METTL15: variants seen among roughly 807,000 people sequenced by gnomAD.
METTL15 encodes the protein methyltransferase 15, mitochondrial 12S rRNA N4-cytidine.
In METTL15, 34 loss-of-function variants were observed where a neutral mutation model predicts 38.3. The observed-to-expected ratio is 0.89, with a 90% CI of 0.68 to 1.18. The LOEUF is 1.18. METTL15 is among the 50% of genes most tolerant of loss of function. The pLI, the probability that METTL15 is intolerant of heterozygous loss-of-function variation, is 0.00. For synonymous variants in METTL15, 162 were observed against 170.9 expected (o/e 0.95, Z 0.41); for missense variants, 438 against 498.4 (o/e 0.88, Z 1.15).
At chr11:28,164,615 A>C (rs1036506176) in intron 3 of METTL15, among the ~76,000 whole-genome samples, 1 of 152,114 alleles carries the variant, frequency 6.6e-6, no homozygotes, top group Non-Finnish European at 1.5e-5. Context: ...TATGTACAAT[A>C]CGGAATGATT....
At chr11:28,224,178 T>C (rs533065692) in intron 4 of METTL15, among the ~76,000 whole-genome samples, 63 of 152,160 alleles carry the variant, frequency 4.1e-4, no homozygotes, top group Non-Finnish European at 8.4e-4. Flanking sequence ...TTCATCTTTC[T>C]AATTGTCAGT....
intron 3 of METTL15, among the ~76,000 whole-genome samples, chr11:28,138,172 TCCTAGG>T (rs1437008335): frequency 6.6e-6 from 1 of 152,092 alleles, no homozygotes; most frequent in Non-Finnish European, 1.5e-5. Context: ...TCGCCAGGTG[TCCTAGG>T]CTATCAGAAG....
chr11:28,138,703 G>T (rs1849596624), intron 3 of METTL15, among the ~76,000 whole-genome samples: 1 of 152,124 alleles, frequency 6.6e-6, no homozygotes, highest in East Asian at 1.9e-4. Flanking sequence ...ATTGAACCCG[G>T]GCCACCATTT....
chr11:28,111,682 T>C (rs1392328191), intron 2 of METTL15, among the ~76,000 whole-genome samples: 4 of 152,184 alleles, frequency 2.6e-5, no homozygotes, highest in Admixed American at 2.0e-4. Flanking sequence ...CTTTGGCAAA[T>C]TACTTCTCTG....
In METTL15 at chr11:28,183,807, T is replaced by G. The variant is rs558351362; in HGVS notation, c.271-27255T>G. On this transcript the variant is annotated intron_variant, in intron 3 of 6. Transcript: ENST00000407364. Reference sequence around the variant, plus strand: ...TAGGGAGGATTCCCTCTTTTTCTTTTGTTTGGAATAGTTTCAGAAGGAATG... The same window carrying G: ...TAGGGAGGATTCCCTCTTTTTCTTTGGTTTGGAATAGTTTCAGAAGGAATG... 2.8e-4 allele frequency among the ~76,000 whole-genome samples: 42 copies of G among 152,220 alleles called. No homozygotes were observed. In the East Asian group the frequency reaches 7.5e-3, roughly 27 times the overall value.
chr11:28,204,286 C>T (rs561521649), intron 3 of METTL15, among the ~76,000 whole-genome samples: 1 of 151,832 alleles, frequency 6.6e-6, no homozygotes, highest in Non-Finnish European at 1.5e-5. Context: ...TTTGTTCTTT[C>T]TATCACTCTT....
intron 3 of METTL15, among the ~76,000 whole-genome samples, chr11:28,139,304 A>G (rs1849618073): frequency 6.6e-6 from 1 of 152,154 alleles, no homozygotes; most frequent in Non-Finnish European, 1.5e-5. Flanking sequence ...TGAGAGAAAT[A>G]CAGACTGAAG....
At chr11:28,417,678 C>G (rs2133418244) in intron 5 of METTL15, among the ~76,000 whole-genome samples, 1 of 152,176 alleles carries the variant, frequency 6.6e-6, no homozygotes, top group African/African-American at 2.4e-5. Context: ...ATTTATCTAC[C>G]TAATTTTGTT....
At chr11:28,228,674 C>G (rs969722239) in intron 4 of METTL15, among the ~76,000 whole-genome samples, 1 of 151,780 alleles carries the variant, frequency 6.6e-6, no homozygotes, top group African/African-American at 2.4e-5. Flanking sequence ...GTGTCTTGAT[C>G]AAAATTTTTT....
chr11:28,224,018 T>G (rs777452886), intron 4 of METTL15, among the ~76,000 whole-genome samples: 3 of 152,070 alleles, frequency 2.0e-5, no homozygotes, highest in African/African-American at 4.8e-5. Flanking sequence ...TTTACTATAA[T>G]TTTGTTTCTA....
chr11:28,372,607 T>C (rs1161605773), intron 5 of METTL15, among the ~76,000 whole-genome samples: 2 of 151,742 alleles, frequency 1.3e-5, no homozygotes, highest in Non-Finnish European at 2.9e-5. Flanking sequence ...ACCACATTAT[T>C]CTTTTTTTTT....
intron 4 of METTL15, among the ~76,000 whole-genome samples, chr11:28,275,289 A>G (rs933352099): frequency 6.6e-6 from 1 of 151,806 alleles, no homozygotes; most frequent in Non-Finnish European, 1.5e-5. Flanking sequence ...TACAGCTTAT[A>G]ACACAGAAAT....
intron 6 of METTL15, among the ~76,000 whole-genome samples, chr11:28,323,567 GC>G (rs1384592737): frequency 6.6e-6 from 1 of 152,154 alleles, no homozygotes; most frequent in Non-Finnish European, 1.5e-5. Flanking sequence ...AAGGACTTAG[GC>G]AGGACCATGC....
intron 3 of METTL15, among the ~76,000 whole-genome samples, chr11:28,346,793 C>T (rs764802902): frequency 6.6e-6 from 1 of 152,138 alleles, no homozygotes; most frequent in Non-Finnish European, 1.5e-5. Flanking sequence ...GTTTCGTGTA[C>T]AACAACTTGT....
At chr11:28,293,239 G>A (rs564804941) in intron 5 of METTL15, among the ~76,000 whole-genome samples, 3 of 152,170 alleles carry the variant, frequency 2.0e-5, no homozygotes. Context: ...TGTATAAGAT[G>A]TAAGGAAGGG....
intron 4 of METTL15, among the ~76,000 whole-genome samples, chr11:28,259,979 A>G (rs1855134516): frequency 6.6e-6 from 1 of 152,144 alleles, no homozygotes; most frequent in African/African-American, 2.4e-5. Context: ...ACTTTAAAAT[A>G]TACTCCTTAT....
chr11:28,139,817 A>T (rs1216639003), intron 3 of METTL15, among the ~76,000 whole-genome samples: 2 of 152,186 alleles, frequency 1.3e-5, no homozygotes, highest in East Asian at 3.9e-4. Flanking sequence ...ATGTTAGAAA[A>T]GAAAAGAAAA....
intron 6 of METTL15, among the ~76,000 whole-genome samples, chr11:28,456,213 C>T (rs192627329): frequency 7.9e-5 from 12 of 151,516 alleles, no homozygotes; most frequent in Non-Finnish European, 1.5e-4. Context: ...TCTCACTGTG[C>T]TGCCCAGGCT....
chr11:28,390,461 C>T (rs942715644), intron 5 of METTL15, among the ~76,000 whole-genome samples: 14 of 152,234 alleles, frequency 9.2e-5, no homozygotes, highest in South Asian at 4.1e-4. Flanking sequence ...AGCCAGTTTT[C>T]GCAGCACCAT....
Sources: gnomAD v4.1 joint callset for allele counts (sites outside exome capture counted in the v4.1 genomes callset) on GRCh38, gnomAD v4.1.1 for gene constraint, MANE v1.5 for transcripts, NCBI Gene and HGNC (gene_info 2026-07-23, HGNC 2026-07-21) for gene names.